SLC8A1: variants seen among roughly 807,000 people sequenced by gnomAD.
SLC8A1 encodes the protein solute carrier family 8 member A1, also known as sodium/calcium exchanger 1.
Under a neutral mutation model 68.3 loss-of-function variants are expected in SLC8A1, and 18 were observed. That is an observed-to-expected ratio of 0.26 (90% CI 0.18 to 0.39). The LOEUF (loss-of-function observed/expected upper bound fraction) is 0.39, where lower values mean the gene tolerates loss of function less well. SLC8A1 is among the 10% of genes least tolerant of loss of function. The pLI is 1.00. For synonymous variants in SLC8A1, 475 were observed against 415.5 expected, an observed-to-expected ratio of 1.14 and a Z score of -1.74; for missense variants, 985 against 1,156.7, an observed-to-expected ratio of 0.85 and a Z score of 2.15.
chr2:40,281,052 T>C (rs947549516), intron 2 of SLC8A1, among the ~76,000 whole-genome samples: 25 of 152,240 alleles, frequency 1.6e-4, no homozygotes, highest in African/African-American at 5.8e-4. Flanking sequence ...CTTGCACTTA[T>C]AACTTGCCTG....
chr2:40,140,367 C>A (rs2041315206), intron 6 of SLC8A1, among the ~76,000 whole-genome samples: 1 of 152,196 alleles, frequency 6.6e-6, no homozygotes. Flanking sequence ...TCCTTCCTCA[C>A]CCATCCTTTA....
At chr2:40,194,558 G>GAT (rs1449622069) in intron 2 of SLC8A1, among the ~76,000 whole-genome samples, 1 of 151,632 alleles carries the variant, frequency 6.6e-6, no homozygotes, top group African/African-American at 2.4e-5. Flanking sequence ...TAAAGACAGA[G>GAT]ATAGAATAAA....
intron 6 of SLC8A1, among the ~76,000 whole-genome samples, chr2:40,154,487 T>C (rs2373796): frequency 0.12 from 16,806 of 142,050 alleles, 1,176 homozygotes; most frequent in Admixed American, 0.17. Context: ...TTCTTTTCTT[T>C]TTTTTTTTTT....
intron 2 of SLC8A1, among the ~76,000 whole-genome samples, chr2:40,380,723 G>A (rs187254208): frequency 8.9e-4 from 136 of 152,162 alleles, no homozygotes; most frequent in African/African-American, 3.1e-3. Context: ...AGAATTTCCT[G>A]AGCAATGATG....
intron 2 of SLC8A1, among the ~76,000 whole-genome samples, chr2:40,235,900 T>C (rs1423044275): frequency 6.6e-6 from 1 of 151,846 alleles, no homozygotes; most frequent in Non-Finnish European, 1.5e-5. Context: ...TTCCATGTAG[T>C]TGAGGGGTTT....
At chr2:40,330,882 G>A (rs1190634645) in intron 2 of SLC8A1, among the ~76,000 whole-genome samples, 1 of 152,096 alleles carries the variant, frequency 6.6e-6, no homozygotes, top group Non-Finnish European at 1.5e-5. Flanking sequence ...TAACTTGCTT[G>A]TAACTACAGA....
intron 2 of SLC8A1, among the ~76,000 whole-genome samples, chr2:40,328,284 A>G (rs1176290971): frequency 6.6e-6 from 1 of 152,198 alleles, no homozygotes; most frequent in Admixed American, 6.5e-5. Flanking sequence ...GGATCTTTCC[A>G]TTATTAGTAA....
chr2:40,284,031 T>C (rs775208477), intron 2 of SLC8A1, among the ~76,000 whole-genome samples: 51 of 152,144 alleles, frequency 3.4e-4, no homozygotes, highest in Non-Finnish European at 6.6e-4. Context: ...GGCCGTATTA[T>C]GGAATGACTC....
chr2:40,217,938 T>A (rs17025588), intron 2 of SLC8A1, among the ~76,000 whole-genome samples: 95,134 of 151,400 alleles, frequency 0.63, 30,347 homozygotes, highest in Middle Eastern at 0.77. Flanking sequence ...TATTCTGAGA[T>A]AAAATAGCTG....
At chr2:40,130,404 G>A (rs1209951182) in intron 7 of SLC8A1, among the ~76,000 whole-genome samples, 1 of 152,244 alleles carries the variant, frequency 6.6e-6, no homozygotes, top group Non-Finnish European at 1.5e-5. Context: ...AAAGTGTGCT[G>A]GAAAGTACAA....
At chr2:40,430,304 A>G in exon 2 of SLC8A1, 1 of 1,578,904 alleles carries the variant, frequency 6.3e-7, no homozygotes, top group Non-Finnish European at 8.6e-7. Flanking sequence ...GTCACAACCT[A>G]CTGGTAAAAA....
intron 2 of SLC8A1, among the ~76,000 whole-genome samples, chr2:40,306,142 C>G (rs1341495461): frequency 6.6e-6 from 1 of 152,162 alleles, no homozygotes; most frequent in East Asian, 1.9e-4. Context: ...AACCAGTAAG[C>G]AGATAAGCTT....
intron 2 of SLC8A1, among the ~76,000 whole-genome samples, chr2:40,271,776 T>C (rs113526757): frequency 0.042 from 6,330 of 152,288 alleles, 234 homozygotes; most frequent in African/African-American, 0.094. Flanking sequence ...AGACATGGTC[T>C]ACCCTTCTTT....
chr2:40,336,678 G>A lies in SLC8A1; in HGVS notation c.1808+91795C>T, dbSNP rs185165352. ...GATATAGACTGTTAAGTTCACTTTC[G>A]TTCACAAAAATACAGGCATGAACCT... On this transcript the variant is annotated intron_variant, in intron 2 of 7. Transcript: ENST00000406785. Among the ~76,000 whole-genome samples the A allele has an allele frequency of 3.5e-4, 53 of 152,202 alleles. 1 individual carries two copies. Among genetic ancestry groups the A allele is most frequent in the Admixed American group, 1.9e-3 (29 of 15,276 alleles).
chr2:40,437,800 T>C (rs114779091), intron 1 of SLC8A1, among the ~76,000 whole-genome samples: 70 of 152,296 alleles, frequency 4.6e-4, no homozygotes, highest in African/African-American at 1.7e-3. Context: ...TATGGTTTTA[T>C]CTGCCAAGCT....
chr2:40,261,612 G>T (rs2064708981), intron 2 of SLC8A1, among the ~76,000 whole-genome samples: 1 of 152,140 alleles, frequency 6.6e-6, no homozygotes, highest in Admixed American at 6.6e-5. Flanking sequence ...AAATGAGGTA[G>T]CTCTATGTCA....
At chr2:40,319,864 G>T (rs969121287) in intron 2 of SLC8A1, among the ~76,000 whole-genome samples, 1 of 151,968 alleles carries the variant, frequency 6.6e-6, no homozygotes, top group Non-Finnish European at 1.5e-5. Context: ...TCACAATTTT[G>T]CTCCTCCTTC....
intron 1 of SLC8A1, among the ~76,000 whole-genome samples, chr2:40,482,740 A>G (rs1002883575): frequency 6.6e-6 from 1 of 151,496 alleles, no homozygotes; most frequent in Non-Finnish European, 1.5e-5. Context: ...TCTGAAACCC[A>G]GAGAGACAAT....
At chr2:40,470,124 C>T (rs925044272) in intron 1 of SLC8A1, among the ~76,000 whole-genome samples, 2 of 152,114 alleles carry the variant, frequency 1.3e-5, no homozygotes, top group African/African-American at 4.8e-5. Flanking sequence ...GCATACTCTT[C>T]TTATTTTCTC....
Sources: allele counts gnomAD v4.1 joint callset (sites outside exome capture counted in the v4.1 genomes callset), GRCh38; gene constraint gnomAD v4.1.1; transcripts MANE v1.5; gene names NCBI Gene and HGNC (gene_info 2026-07-23, HGNC 2026-07-21).